The following TACC2 variants were observed in gnomAD, a reference collection of about 807,000 sequenced individuals.
TACC2 encodes the protein transforming acidic coiled-coil-containing protein 2.
Under a neutral mutation model 227.3 loss-of-function variants are expected in TACC2, and 137 were observed. That is an observed-to-expected ratio of 0.60 (90% CI 0.52 to 0.69). The LOEUF (loss-of-function observed/expected upper bound fraction) is 0.69, where lower values mean the gene tolerates loss of function less well. Among genes scored for constraint, TACC2 ranks in the 30% least tolerant of loss-of-function variants. The pLI is 0.00. For missense variants in TACC2, 3,470 were observed against 3,694.4 expected (o/e 0.94, Z 1.57); for synonymous variants, 1,523 against 1,487.5 (o/e 1.02, Z -0.55).
Position 122,087,075 on chromosome 10 carries a change from G to A in TACC2, c.4575G>A (p.Leu1525=), listed in dbSNP as rs781135664. ...GKEMAGVPPT[L]REDERPEGPG... is the part of the protein sequence containing the mutation. ...AGATGGCAGGTGTCCCACCCACACT[G>A]AGGGAAGACGAGAGGCCAGAGGGGC... The change falls in exon 4 of 23, where the codon CTG becomes CTA. Residue 1525 remains leucine (L), a synonymous_variant. Coordinates refer to ENST00000369005, the MANE Select transcript of TACC2 (RefSeq NM_206862.4). 6.2e-6 allele frequency: 10 copies of A among 1,612,350 alleles called. No homozygotes were observed. The highest frequency in any genetic ancestry group is 5.0e-5 in the Admixed American group (3 of 59,958).
chr10:122,246,291 C>T (rs1478192955), intron 19 of TACC2, among the ~76,000 whole-genome samples: 1 of 152,132 alleles, frequency 6.6e-6, no homozygotes, highest in Non-Finnish European at 1.5e-5. Context: ...TGCTGGGACC[C>T]TAAGAGGTCA....
At chr10:122,019,710 TA>T (rs1173992232) in intron 1 of TACC2, 2 of 152,234 alleles carry the variant, frequency 1.3e-5, no homozygotes, top group Non-Finnish European at 2.9e-5. Flanking sequence ...CCTGCCCAGG[TA>T]TGAAGTGCAG....
Position 122,117,191 on chromosome 10 carries a change from C to CTTT in TACC2, c.5574-15402_5574-15400dup, listed in dbSNP as rs71482688. Among the ~76,000 whole-genome samples, 71 of 129,810 alleles carry CTTT rather than the reference C, an allele frequency of 5.5e-4. 2 individuals carry two copies. The highest frequency in any genetic ancestry group is 5.1e-4 in the South Asian group (2 of 3,914). 85.2% of individuals were successfully genotyped at this position (129,810 alleles called of 152,430 possible). On this transcript the variant is annotated intron_variant, in intron 5 of 22. Coordinates refer to ENST00000369005, the MANE Select transcript of TACC2 (RefSeq NM_206862.4). ...GGTCAACCTCTCTGGTCTTAGAAAT[C>CTTT]TTTTTTTTTTTTTTTTTTCTTTGAG...
chr10:122,204,084 T>C (rs1454322196), intron 8 of TACC2, among the ~76,000 whole-genome samples: 14 of 148,608 alleles, frequency 9.4e-5, no homozygotes. Context: ...GGCAGGGAGG[T>C]TGCAGTGAGC....
At chr10:122,092,097 C>G (rs1395629554) in intron 5 of TACC2, among the ~76,000 whole-genome samples, 1 of 152,222 alleles carries the variant, frequency 6.6e-6, no homozygotes, top group Non-Finnish European at 1.5e-5. Context: ...CAGTGACCTG[C>G]ACGATTATAT....
chr10:121,997,439 C>G (rs1273614936), intron 1 of TACC2, among the ~76,000 whole-genome samples: 1 of 152,168 alleles, frequency 6.6e-6, no homozygotes, highest in Non-Finnish European at 1.5e-5. Flanking sequence ...GATGGTCTTC[C>G]TTATCAAATA....
intron 5 of TACC2, among the ~76,000 whole-genome samples, chr10:122,119,295 T>A (rs1395889961): frequency 2.0e-5 from 3 of 152,240 alleles, no homozygotes; most frequent in Non-Finnish European, 4.4e-5. Flanking sequence ...TGCCTAGGGC[T>A]TATAAATGGC....
At chr10:122,069,408 A>AT (rs2077775754) in intron 3 of TACC2, among the ~76,000 whole-genome samples, 1 of 151,762 alleles carries the variant, frequency 6.6e-6, no homozygotes, top group Non-Finnish European at 1.5e-5. Context: ...CGCCCGGCTA[A>AT]TTTTTTATAT....
chr10:122,053,563 G>A (rs532867455), intron 3 of TACC2, among the ~76,000 whole-genome samples: 2 of 152,104 alleles, frequency 1.3e-5, no homozygotes, highest in South Asian at 2.1e-4. Context: ...TGACCACACT[G>A]CCCCTCAGGC....
intron 5 of TACC2, among the ~76,000 whole-genome samples, chr10:122,132,078 G>GAA (rs1314238075): frequency 6.8e-5 from 7 of 103,418 alleles, no homozygotes; most frequent in Non-Finnish European, 1.2e-4. Flanking sequence ...AAGAAAGAAA[G>GAA]AAAGAGAAAG....
At chr10:122,041,423 C>CAGCACAG (rs914633717) in intron 2 of TACC2, among the ~76,000 whole-genome samples, 7 of 150,094 alleles carry the variant, frequency 4.7e-5, no homozygotes, top group African/African-American at 1.7e-4. Flanking sequence ...ATCTTCATGA[C>CAGCACAG]AGCACAGAGT....
At chr10:122,044,877 G>A (rs573965389) in intron 2 of TACC2, among the ~76,000 whole-genome samples, 4 of 152,188 alleles carry the variant, frequency 2.6e-5, no homozygotes, top group South Asian at 2.1e-4. Flanking sequence ...GCAACTGGGC[G>A]AGTCCACGTG....
At chr10:122,211,777 G>T in intron 9 of TACC2, 69 bp downstream of exon 9, 1 of 1,395,230 alleles carries the variant, frequency 7.2e-7, no homozygotes, top group Non-Finnish European at 9.7e-7. Flanking sequence ...CCTTGGTCAT[G>T]TGCCTGGATA....
chr10:122,009,980 TA>T (rs1220387189), intron 1 of TACC2, among the ~76,000 whole-genome samples: 1 of 152,186 alleles, frequency 6.6e-6, no homozygotes, highest in African/African-American at 2.4e-5. Flanking sequence ...ATTTAAATAA[TA>T]AAGTAGCCTG....
At chr10:122,110,275 G>A (rs558566690) in intron 5 of TACC2, among the ~76,000 whole-genome samples, 6 of 152,020 alleles carry the variant, frequency 3.9e-5, no homozygotes, top group East Asian at 1.9e-4. Context: ...TCCCAAGACC[G>A]CACAAGCCTG....
At chr10:122,032,481 T>C (rs1959104138) in intron 2 of TACC2, among the ~76,000 whole-genome samples, 1 of 152,114 alleles carries the variant, frequency 6.6e-6, no homozygotes, top group South Asian at 2.1e-4. Context: ...GTTCACAGAT[T>C]AAAGACCAGG....
Position 122,210,543 on chromosome 10 carries a change from T to C in TACC2, c.6118T>C (p.Phe2040Leu), listed in dbSNP as rs1427434133. The C allele has an allele frequency of 6.2e-7, 1 of 1,614,094 alleles. No individual in the cohort carries two copies. The highest frequency in any genetic ancestry group is 2.2e-5 in the East Asian group (1 of 44,864). ...IASSGTYNLDFDNIELVDTFQ... is the reference protein window; with the variant it reads ...IASSGTYNLDLDNIELVDTFQ... ...CAGCAGTGGGACTTACAACTTGGAC[T>C]TTGACAACATTGAGCTTGTGGATAC... The change falls in exon 9 of 23, where the codon TTT becomes CTT. Residue 2040 changes from phenylalanine (F) to leucine (L), a missense_variant. Physicochemically the swap from Phe to Leu is conservative, Grantham distance 22. Around this residue, in one of 10 missense-constraint regions of TACC2, gnomAD observed 593 missense variants for 636.6 expected, o/e 0.93. Transcript: ENST00000369005. The surrounding 1 kb of genome is among the most constrained non-coding windows in gnomAD (Gnocchi z 4.6).
chr10:122,155,833 A>ATTTT (rs66559186), intron 7 of TACC2, among the ~76,000 whole-genome samples: 37 of 118,288 alleles, frequency 3.1e-4, no homozygotes, highest in African/African-American at 3.6e-4. Context: ...TAGTGGGAAA[A>ATTTT]TTTTTTTTTT....
chr10:122,038,533 T>G (rs2073855846), intron 2 of TACC2, among the ~76,000 whole-genome samples: 1 of 152,044 alleles, frequency 6.6e-6, no homozygotes, highest in South Asian at 2.1e-4. Context: ...GGCACAAAAC[T>G]AGGTTCTAAG....
Sources: allele counts gnomAD v4.1 joint callset (sites outside exome capture counted in the v4.1 genomes callset), GRCh38; gene constraint gnomAD v4.1.1; regional missense constraint gnomAD v4.1.1; non-coding constraint Gnocchi (gnomAD v3.1); transcripts MANE v1.5; gene names NCBI Gene and HGNC (gene_info 2026-07-23, HGNC 2026-07-21).